SENP6: variants seen among roughly 807,000 people sequenced by gnomAD.
The protein encoded by SENP6 is sentrin-specific protease 6.
SENP6 carries 41 observed loss-of-function variants against 134.5 expected under a neutral mutation model. The ratio of observed to expected loss-of-function variants is 0.30; its 90% CI spans 0.24 to 0.40. The LOEUF is 0.40. Ranked by LOEUF, SENP6 falls within the 10% of genes least tolerant of loss-of-function variation. The probability of loss-of-function intolerance (pLI) is 1.00; values close to 1 mark genes in which losing one functional copy is unlikely to be tolerated. For missense variants in SENP6, 1,248 were observed against 1,312.5 expected (o/e 0.95, Z 0.76); for synonymous variants, 395 against 429.8 (o/e 0.92, Z 1.00).
At chr6:75,676,833 T>C (rs906983106) in intron 13 of SENP6, 197 bp from the exon 14 acceptor site, 18 of 476,472 alleles carry the variant, frequency 3.8e-5, no homozygotes, top group Non-Finnish European at 6.3e-5. Flanking sequence ...TTCCAATAAC[T>C]TAGGTGACAT....
chr6:75,693,125 C>T (rs1774400864), intron 16 of SENP6, among the ~76,000 whole-genome samples: 1 of 152,084 alleles, frequency 6.6e-6, no homozygotes, highest in South Asian at 2.1e-4. Flanking sequence ...GTAGGCCAGG[C>T]ACAGTGGCTC....
chr6:75,619,374 A>G (rs1021360482), intron 1 of SENP6, among the ~76,000 whole-genome samples: 4 of 152,088 alleles, frequency 2.6e-5, no homozygotes, highest in Non-Finnish European at 5.9e-5. Flanking sequence ...AACTGTTTTC[A>G]AGGTTCATCT....
chr6:75,628,209 G>A (rs1768846790), intron 3 of SENP6, among the ~76,000 whole-genome samples: 1 of 151,932 alleles, frequency 6.6e-6, no homozygotes, highest in Non-Finnish European at 1.5e-5. Context: ...CTTCTGTTCA[G>A]TTTTCCCATA....
chr6:75,690,988 GC>G (rs1241213010), intron 16 of SENP6, among the ~76,000 whole-genome samples: 4 of 150,932 alleles, frequency 2.7e-5, no homozygotes, highest in African/African-American at 9.8e-5. Flanking sequence ...ACAGGCATGA[GC>G]CACTGTGCTC....
chr6:75,639,038 C>T lies in SENP6; in HGVS notation c.459-1646C>T, dbSNP rs930922316. 2.6e-5 allele frequency among the ~76,000 whole-genome samples: 4 copies of T among 152,144 alleles called. No homozygotes were observed. In the East Asian group the frequency reaches 7.7e-4, roughly 29 times the overall value. On this transcript the variant is annotated intron_variant, in intron 5 of 23. Coordinates refer to ENST00000447266, the MANE Select transcript of SENP6 (RefSeq NM_015571.4). The stretch of plus-strand genomic sequence containing the variant: ...TGCACTCCAGCCTGGGTGACAGAGC[C>T]AGACCCTGTCATCTCAAAAACAAAA...
At chr6:75,646,267 A>G (rs572769779) in intron 6 of SENP6, among the ~76,000 whole-genome samples, 1 of 152,280 alleles carries the variant, frequency 6.6e-6, no homozygotes, top group African/African-American at 2.4e-5. Context: ...TTCATAATGC[A>G]TATCTTCACA....
intron 8 of SENP6, among the ~76,000 whole-genome samples, chr6:75,662,799 C>T (rs940344455): frequency 1.6e-4 from 25 of 152,072 alleles, no homozygotes; most frequent in African/African-American, 5.8e-4. Flanking sequence ...CAGCACTTTT[C>T]CATGGAATTC....
chr6:75,619,757 C>T (rs185477887), intron 1 of SENP6, among the ~76,000 whole-genome samples: 30 of 152,148 alleles, frequency 2.0e-4, no homozygotes, highest in African/African-American at 7.0e-4. Context: ...CCAGTTTCTC[C>T]CACATCCTAG....
At chr6:75,665,158 T>C (rs954036327) in intron 9 of SENP6, among the ~76,000 whole-genome samples, 1 of 151,902 alleles carries the variant, frequency 6.6e-6, no homozygotes, top group African/African-American at 2.4e-5. Flanking sequence ...TGGTGGTGGG[T>C]GCCTGTAGTC....
At chr6:75,698,103 C>T (rs1359081929) in intron 18 of SENP6, 1 of 152,250 alleles carries the variant, frequency 6.6e-6, no homozygotes, top group African/African-American at 2.4e-5. Flanking sequence ...ATCCAAAGAA[C>T]ACCAGAAATA....
In SENP6 at chr6:75,602,466, G is replaced by A; in HGVS notation, c.-59G>A. 1.3e-6 allele frequency: 2 copies of A among 1,544,700 alleles called. No individual in the cohort carries two copies. The highest frequency in any genetic ancestry group is 1.9e-4 in the Middle Eastern group (1 of 5,350). The stretch of plus-strand genomic sequence containing the variant: ...TCCTCCGGCGCGGCCCCTCATCCCG[G>A]CGAGCACGGCGGCGGTGTGGGCCAT... On this transcript the variant is annotated 5_prime_UTR_variant, in exon 1 of 24. Transcript: ENST00000447266.
At chr6:75,668,218 G>A (rs974957122) in intron 10 of SENP6, among the ~76,000 whole-genome samples, 1 of 152,040 alleles carries the variant, frequency 6.6e-6, no homozygotes, top group African/African-American at 2.4e-5. Flanking sequence ...CGCTGCACCC[G>A]GCTGGATTAA....
At chr6:75,643,578 C>A (rs1026424358) in intron 6 of SENP6, among the ~76,000 whole-genome samples, 1 of 151,994 alleles carries the variant, frequency 6.6e-6, no homozygotes, top group East Asian at 1.9e-4. Context: ...AAAAATTAGC[C>A]GGGTGTGATG....
At chr6:75,605,091 C>T (rs1222896661) in intron 1 of SENP6, among the ~76,000 whole-genome samples, 1 of 152,144 alleles carries the variant, frequency 6.6e-6, no homozygotes. Flanking sequence ...ATAAAATATT[C>T]CACCATAATT....
Position 75,678,265 on chromosome 6 carries a change from C to G in SENP6, c.1849-318C>G, listed in dbSNP as rs141227083. The G allele has an allele frequency of 5.1e-3, 1,086 of 212,052 alleles. 13 individuals carry two copies. The highest frequency in any genetic ancestry group is 0.025 in the African/African-American group (1,044 of 42,216). 13.1% of individuals were successfully genotyped at this position (212,052 alleles called of 1,614,324 possible). ...CCATTGAACTAAGAGGCAAAAACCA[C>G]TTTGGTTTTTTTGAAAGGTTATTTG... On this transcript the variant is annotated intron_variant, in intron 14 of 23. Transcript: ENST00000447266.
chr6:75,648,061 CTG>C (rs1216961047), intron 7 of SENP6, among the ~76,000 whole-genome samples: 2 of 152,032 alleles, frequency 1.3e-5, no homozygotes, highest in Non-Finnish European at 2.9e-5. Flanking sequence ...AATAGTGTAA[CTG>C]TAGTTGAGCT....
chr6:75,622,342 G>A (rs530676059), intron 2 of SENP6, among the ~76,000 whole-genome samples: 36 of 152,284 alleles, frequency 2.4e-4, no homozygotes, highest in African/African-American at 8.7e-4. Context: ...TGGTTCATTT[G>A]AGGTCAGGAG....
chr6:75,620,049 C>T lies in SENP6; in HGVS notation c.53-1483C>T, dbSNP rs182434480. Among the ~76,000 whole-genome samples, 169 of 144,260 alleles carry T rather than the reference C, an allele frequency of 1.2e-3. 1 individual carries two copies. The highest frequency in any genetic ancestry group is 4.1e-3 in the African/African-American group (164 of 39,548). The allele number at this position is 144,260 out of a possible 152,430, so 94.6% of individuals were successfully genotyped here. A position where few individuals can be genotyped will look rare whatever the true frequency, so the allele number is the denominator to read the frequency against. ...TCAAGGCTGCAGTGAGCCATGATGG[C>T]ACCACTGCACTCCAGCTTGGGCTAC... On this transcript the variant is annotated intron_variant, in intron 1 of 23. Coordinates refer to ENST00000447266, the MANE Select transcript of SENP6 (RefSeq NM_015571.4).
chr6:75,650,851 C>G (rs895902606), intron 7 of SENP6, among the ~76,000 whole-genome samples: 40 of 152,198 alleles, frequency 2.6e-4, no homozygotes, highest in African/African-American at 9.7e-4. Flanking sequence ...TCACTAATTA[C>G]TTGCATAACA....
Sources: gnomAD v4.1 joint callset for allele counts (sites outside exome capture counted in the v4.1 genomes callset) on GRCh38, gnomAD v4.1.1 for gene constraint, MANE v1.5 for transcripts, NCBI Gene and HGNC (gene_info 2026-07-23, HGNC 2026-07-21) for gene names.